Variants in SLC2A5 observed in about 807,000 individuals in gnomAD.
SLC2A5 encodes solute carrier family 2, facilitated glucose transporter member 5.
SLC2A5 carries 56 observed loss-of-function variants against 50.3 expected under a neutral mutation model. The observed-to-expected ratio is 1.11, with a 90% CI of 0.90 to 1.39. The LOEUF (loss-of-function observed/expected upper bound fraction) is 1.39. SLC2A5 is among the 40% of genes most tolerant of loss of function. SLC2A5 has a pLI of 0.00. For synonymous variants in SLC2A5, 269 were observed against 281.9 expected, an observed-to-expected ratio of 0.95 and a Z score of 0.46; for missense variants, 566 against 650.1, an observed-to-expected ratio of 0.87 and a Z score of 1.41.
intron 1 of SLC2A5, among the ~76,000 whole-genome samples, chr1:9,060,682 C>T (rs1366196512): frequency 3.6e-5 from 5 of 139,560 alleles, no homozygotes; most frequent in Admixed American, 7.5e-5. Context: ...ACACACACCA[C>T]ATACACACAG....
At chr1:9,045,618 T>C (rs1435237669) in intron 4 of SLC2A5, among the ~76,000 whole-genome samples, 1 of 152,084 alleles carries the variant, frequency 6.6e-6, no homozygotes, top group Middle Eastern at 3.2e-3. Context: ...CCGGGCATGG[T>C]GGCTCACGCC....
intron 4 of SLC2A5, among the ~76,000 whole-genome samples, chr1:9,044,285 C>T (rs1317450297): frequency 1.3e-5 from 2 of 151,808 alleles, no homozygotes; most frequent in African/African-American, 2.4e-5. Context: ...GAGCCGAGAC[C>T]GTGCCACTGC....
chr1:9,040,041 G>GC lies in SLC2A5; in HGVS notation c.697+22dup. ...GGCTGGGGAGCAGAACCTGGAGGCC[G>GC]CCCCCGCCAGAGCCCTCGTTACCTT... On this transcript the variant is annotated intron_variant, in intron 6 of 11. Transcript: ENST00000377424. The surrounding 1 kb of genome is among the most constrained non-coding windows in gnomAD (Gnocchi z 4.3). 1.3e-6 allele frequency: 2 copies of GC among 1,582,554 alleles called. No individual in the cohort carries two copies. Among genetic ancestry groups the GC allele is most frequent in the South Asian group, 1.1e-5 (1 of 88,266 alleles).
intron 8 of SLC2A5, 150 bp downstream of exon 8, chr1:9,039,402 G>A: frequency 1.7e-6 from 1 of 602,168 alleles, no homozygotes; most frequent in Non-Finnish European, 2.8e-6. Flanking sequence ...AGGGGCTGGT[G>A]CGGGGCCACC....
chr1:9,053,682 T>G (rs1428107782), intron 3 of SLC2A5, among the ~76,000 whole-genome samples: 1 of 146,766 alleles, frequency 6.8e-6, no homozygotes, highest in Non-Finnish European at 1.5e-5. Flanking sequence ...AAGACCAGCC[T>G]GGCCAACATG....
intron 1 of SLC2A5, among the ~76,000 whole-genome samples, chr1:9,085,565 C>G (rs909025187): frequency 6.6e-6 from 1 of 152,276 alleles, no homozygotes; most frequent in South Asian, 2.1e-4. Flanking sequence ...TTTTTATCAG[C>G]CTTAAAGTCT....
Position 9,038,830 on chromosome 1 carries a change from G to A in SLC2A5, c.1096C>T (p.Gln366Ter). Residue 366 changes from glutamine (Q) to a stop codon, truncating the protein, a stop_gained and splice_region_variant, in exon 9 of 12, where the codon CAG becomes TAG. Coordinates refer to ENST00000377424, the MANE Select transcript of SLC2A5 (RefSeq NM_003039.3). LOFTEE classifies it high-confidence loss of function. ...CTGGGACCCTGGCCTGTCCTCACCT[G>A]CAGTGCCAGAGCTGCAGTGAGCACG... Reference protein sequence around the residue: ...CCVLTAALALQDTVSWMPYIS... With the variant: ...CCVLTAALAL The A allele has an allele frequency of 6.2e-7, 1 of 1,606,760 alleles. No individual in the cohort carries two copies. The highest frequency in any genetic ancestry group is 2.2e-5 in the East Asian group (1 of 44,666).
chr1:9,047,550 C>T (rs1242252535), intron 4 of SLC2A5, 60 bp downstream of exon 4: 136 of 1,577,580 alleles, frequency 8.6e-5, no homozygotes, highest in Non-Finnish European at 1.1e-4. Flanking sequence ...TCCCTGGGAA[C>T]CTGTTGTCCT....
chr1:9,061,011 C>T lies in SLC2A5; in HGVS notation c.34-2761G>A, dbSNP rs947461018. On this transcript the variant is annotated intron_variant, in intron 1 of 11. Coordinates refer to ENST00000377424, the MANE Select transcript of SLC2A5 (RefSeq NM_003039.3). ...TGATTAAAAAATTCTCTTCTGGGCA[C>T]GACGGCTCATGCCTATAAATCCCAG... Among the ~76,000 whole-genome samples the T allele has an allele frequency of 1.1e-4, 16 of 151,968 alleles. No homozygotes were observed. The South Asian group carries it at 2.1e-3, about 20-fold the overall frequency.
In SLC2A5 at chr1:9,057,466, A is replaced by T; in HGVS notation, c.275T>A (p.Leu92Ter). Reference sequence around the variant, plus strand: ...CCCTTACCTGCCAAATTTATTCACCAAGGGGCCGACCAGGAGGGATCCGAT... The same window carrying T: ...CCCTTACCTGCCAAATTTATTCACCTAGGGGCCGACCAGGAGGGATCCGAT... The part of the protein sequence containing the change: ...GFIGSLLVGP[L>*]VNKFGRKGAL... The change falls in exon 3 of 12, where the codon TTG (leucine) becomes TAG (stop). Residue 92 changes from leucine (L) to a stop codon, truncating the protein, a stop_gained. Coordinates refer to ENST00000377424, the MANE Select transcript of SLC2A5 (RefSeq NM_003039.3). LOFTEE classifies it high-confidence loss of function. 1 of 1,612,026 alleles carries T rather than the reference A, an allele frequency of 6.2e-7. No individual in the cohort carries two copies. The highest frequency in any genetic ancestry group is 8.5e-7 in the Non-Finnish European group (1 of 1,179,286).
At chr1:9,059,953 G>T (rs1410717703) in intron 1 of SLC2A5, among the ~76,000 whole-genome samples, 3 of 151,310 alleles carry the variant, frequency 2.0e-5, no homozygotes, top group South Asian at 2.1e-4. Context: ...AGCAGCACCT[G>T]CAAGGAGCCC....
upstream of SLC2A5, among the ~76,000 whole-genome samples, chr1:9,091,286 C>A (rs1038959497): frequency 1.3e-5 from 2 of 152,142 alleles, no homozygotes; most frequent in African/African-American, 4.8e-5. Flanking sequence ...CCGCTAAGAC[C>A]TTTTCATCTA....
chr1:9,069,360 T>C (rs551103150), intron 1 of SLC2A5, 144 bp downstream of exon 1: 2 of 810,366 alleles, frequency 2.5e-6, no homozygotes, highest in African/African-American at 1.7e-5. Flanking sequence ...TGGACAAGAC[T>C]TTCCCCCTCT....
chr1:9,049,414 G>A (rs758244387), intron 3 of SLC2A5, among the ~76,000 whole-genome samples: 5 of 152,158 alleles, frequency 3.3e-5, no homozygotes, highest in East Asian at 1.9e-4. Context: ...TCAAGACAGC[G>A]TGGTACTAGT....
At chr1:9,038,800 G>T in intron 9 of SLC2A5, 28 bp downstream of exon 9, 2 of 1,546,912 alleles carry the variant, frequency 1.3e-6, no homozygotes, top group Non-Finnish European at 1.7e-6. Flanking sequence ...TGCAGCTCCG[G>T]GCTCCTGGGA....
At chr1:9,045,071 G>A (rs751191561) in intron 4 of SLC2A5, among the ~76,000 whole-genome samples, 4 of 152,148 alleles carry the variant, frequency 2.6e-5, no homozygotes, top group Non-Finnish European at 4.4e-5. Flanking sequence ...GATGATATCT[G>A]CTCTTCATTC....
At chr1:9,089,286 C>T (rs1462032232), upstream of SLC2A5, among the ~76,000 whole-genome samples, 1 of 152,172 alleles carries the variant, frequency 6.6e-6, no homozygotes, top group Non-Finnish European at 1.5e-5. Flanking sequence ...AGAGAAATTA[C>T]ACAAGAGCCC....
Position 9,039,839 on chromosome 1 carries a change from G to A in SLC2A5, c.846C>T (p.Ile282=), listed in dbSNP as rs777064133. ...ACAGCTGCTGGCCGCCCATGAGGAC[G>A]ATGATGGACAGCAGCTGCCAGCGCA... ...RSLRWQLLSI[I]VLMGGQQLSG... is the part of the protein sequence containing the mutation. The change falls in exon 7 of 12, where the codon ATC becomes ATT. Residue 282 remains isoleucine, a synonymous_variant. Transcript: ENST00000377424. 2.5e-6 allele frequency: 4 copies of A among 1,608,720 alleles called. No individual in the cohort carries two copies. Among genetic ancestry groups the A allele is most frequent in the South Asian group, 1.1e-5 (1 of 90,614 alleles).
At chr1:9,062,140 C>CA (rs1432223722) in intron 1 of SLC2A5, among the ~76,000 whole-genome samples, 3 of 152,154 alleles carry the variant, frequency 2.0e-5, no homozygotes, top group Middle Eastern at 3.2e-3. Context: ...TATGCATGAC[C>CA]AGCTAACTGG....
Sources: allele counts gnomAD v4.1 joint callset (sites outside exome capture counted in the v4.1 genomes callset), GRCh38; gene constraint gnomAD v4.1.1; non-coding constraint Gnocchi (gnomAD v3.1); transcripts MANE v1.5; gene names NCBI Gene and HGNC (gene_info 2026-07-23, HGNC 2026-07-21).